ADAMTS5: variants seen among roughly 807,000 people sequenced by gnomAD.
ADAMTS5 encodes the protein A disintegrin and metalloproteinase with thrombospondin motifs 5.
A neutral mutation model predicts 81.4 loss-of-function variants in ADAMTS5; 54 were observed. That is an observed-to-expected ratio of 0.66 (90% CI 0.53 to 0.83). The LOEUF (loss-of-function observed/expected upper bound fraction) is 0.83, where lower values mean the gene tolerates loss of function less well. Among genes scored for constraint, ADAMTS5 ranks in the 40% least tolerant of loss-of-function variants. ADAMTS5 has a pLI of 0.00. For synonymous variants in ADAMTS5, 532 were observed against 508.8 expected (o/e 1.05, Z -0.61); for missense variants, 1,194 against 1,229.9 (o/e 0.97, Z 0.44).
intron 1 of ADAMTS5, among the ~76,000 whole-genome samples, chr21:26,960,359 CA>C (rs892945729): frequency 2.0e-5 from 3 of 152,184 alleles, no homozygotes; most frequent in Non-Finnish European, 4.4e-5. Flanking sequence ...ACTTAATTTA[CA>C]ATTAAAACTT....
In ADAMTS5 at chr21:26,929,994, G is replaced by A; in HGVS notation, c.2117C>T (p.Thr706Ile). Reference protein sequence around the residue: ...SVCVRGKCVRTGCDGIIGSKL... With the variant: ...SVCVRGKCVRIGCDGIIGSKL... ...TGAGCCAATGATGCCGTCACAGCCA[G>A]TTCTCACACACTTCCCCCGGACGCA... The change falls in exon 7 of 8, where the codon ACT becomes ATT. Residue 706 changes from threonine (T) to isoleucine (I), a missense_variant. Thr to Ile is a moderately conservative substitution (Grantham distance 89). Around this residue, in one of 2 missense-constraint regions of ADAMTS5, gnomAD observed 696 missense variants for 817.6 expected, o/e 0.85. Coordinates refer to ENST00000284987, the MANE Select transcript of ADAMTS5 (RefSeq NM_007038.5). 4 of 1,614,112 alleles carry A rather than the reference G, an allele frequency of 2.5e-6. No individual in the cohort carries two copies. The highest frequency in any genetic ancestry group is 2.5e-6 in the Non-Finnish European group (3 of 1,179,992).
chr21:26,961,786 A>G (rs9636787), intron 1 of ADAMTS5, among the ~76,000 whole-genome samples: 19,957 of 152,170 alleles, frequency 0.13, 1,501 homozygotes, highest in East Asian at 0.27. Flanking sequence ...TTGACTTTAA[A>G]TGAGATTTCA....
At chr21:26,933,923 T>C (rs1264609274) in intron 4 of ADAMTS5, among the ~76,000 whole-genome samples, 4 of 152,170 alleles carry the variant, frequency 2.6e-5, no homozygotes, top group Admixed American at 6.5e-5. Context: ...CGAAAATTAA[T>C]AGGGCAGTTG....
intron 2 of ADAMTS5, among the ~76,000 whole-genome samples, chr21:26,952,625 G>A (rs1164143472): frequency 6.6e-6 from 1 of 152,330 alleles, no homozygotes; most frequent in African/African-American, 2.4e-5. Context: ...AGAAAGGAAA[G>A]AAACTGCCCT....
rs953994204 is a variant in ADAMTS5, at chr21:26,957,412, G to A, written c.1105-2541C>T. On this transcript the variant is annotated intron_variant, in intron 1 of 7. Transcript: ENST00000284987. ...ATACACACACATATATGTGATACAC[G>A]GATATGTGTGTGTGTCTATAGATAG... Among the ~76,000 whole-genome samples the A allele has an allele frequency of 8.1e-5, 12 of 149,064 alleles. No individual in the cohort carries two copies. The East Asian group carries it at 1.4e-3, about 17-fold the overall frequency.
rs1162844770 is a variant in ADAMTS5, at chr21:26,920,137, T to C, written c.*3916A>G. On this transcript the variant is annotated 3_prime_UTR_variant, in exon 8 of 8. Transcript: ENST00000284987. ...GTTATTTGACAGTGTGAACTCTATG[T>C]AACAGCACAAATTCTGGACTTTGAA... The C allele has an allele frequency of 6.6e-6, 1 of 152,176 alleles. No homozygotes were observed. The highest frequency in any genetic ancestry group is 1.9e-4 in the East Asian group (1 of 5,196). The allele number at this position is 152,176 out of a possible 1,614,324, so 9.4% of individuals were successfully genotyped here.
rs767427623 is a variant in ADAMTS5 at position 26,965,711 on chromosome 21, G to C, written c.681C>G (p.Asn227Lys). ...EAHEHAPAHS[N>K]PSGRAALASQ... ...AGGCCAGTGCTGCGCGTCCGCTCGG[G>C]TTGCTGTGCGCCGGAGCATGCTCGT... The change falls in exon 1 of 8, where the codon AAC becomes AAG. Residue 227 changes from asparagine to lysine, a missense_variant. This residue lies in a region of ADAMTS5 where 498 missense variants were observed against 412.3 expected (regional missense o/e 1.21). Transcript: ENST00000284987. The C allele has an allele frequency of 3.8e-6, 6 of 1,585,554 alleles. No individual in the cohort carries two copies. Among genetic ancestry groups the C allele is most frequent in the South Asian group, 1.1e-5 (1 of 87,628 alleles).
Position 26,938,975 on chromosome 21 carries a change from T to C in ADAMTS5, c.1406-4226A>G, listed in dbSNP as rs531045589. 2.6e-5 allele frequency among the ~76,000 whole-genome samples: 4 copies of C among 152,360 alleles called. No individual in the cohort carries two copies. The South Asian group carries it at 6.2e-4, about 24-fold the overall frequency. ...TCATGATGCAGGAGAAATCAATTAA[T>C]GTTCCTAATCAAACTCATCCGAAGA... On this transcript the variant is annotated intron_variant, in intron 3 of 7. Coordinates refer to ENST00000284987, the MANE Select transcript of ADAMTS5 (RefSeq NM_007038.5).
chr21:26,930,326 G>A (rs891304718), intron 6 of ADAMTS5, among the ~76,000 whole-genome samples: 1 of 152,128 alleles, frequency 6.6e-6, no homozygotes, highest in African/African-American at 2.4e-5. Flanking sequence ...AGAGACACAA[G>A]GTACTCATCT....
Position 26,966,725 on chromosome 21 carries a change from A to G in ADAMTS5, c.-334T>C, listed in dbSNP as rs949939107. Among the ~76,000 whole-genome samples the G allele has an allele frequency of 1.3e-5, 2 of 151,628 alleles. No individual in the cohort carries two copies. Among genetic ancestry groups the G allele is most frequent in the Non-Finnish European group, 2.9e-5 (2 of 67,958 alleles). On this transcript the variant is annotated 5_prime_UTR_variant, in exon 1 of 8. Transcript: ENST00000284987. Reference sequence around the variant, plus strand: ...AAAGGAAAAAAACAAAAACCAAAAAACCACCAAATGCAGGCACGATCGCTG... The same window carrying G: ...AAAGGAAAAAAACAAAAACCAAAAAGCCACCAAATGCAGGCACGATCGCTG...
chr21:26,932,021 C>T lies in ADAMTS5; in HGVS notation c.2032G>A (p.Val678Met). Reference protein sequence around the residue: ...TCRAKGTGYYVVFSPKVTDGT... With the variant: ...TCRAKGTGYYMVFSPKVTDGT... The stretch of plus-strand genomic sequence containing the variant: ...GTAGTTACCTTTGGAGAAAATACCA[C>T]ATAGTAGCCAGTGCCCTTGGCTCTG... Residue 678 changes from valine (V) to methionine (M), a missense_variant, in exon 6 of 8, where the codon GTG becomes ATG. Val to Met is a conservative substitution (Grantham distance 21, BLOSUM62 1). Coordinates refer to ENST00000284987, the MANE Select transcript of ADAMTS5 (RefSeq NM_007038.5). 6.2e-7 allele frequency: 1 copy of T among 1,613,574 alleles called. No homozygotes were observed.
In ADAMTS5 at chr21:26,966,298, C is replaced by A; in HGVS notation, c.94G>T (p.Gly32Trp). 6.5e-7 allele frequency: 1 copy of A among 1,537,654 alleles called. No homozygotes were observed. Among genetic ancestry groups the A allele is most frequent in the Non-Finnish European group, 8.7e-7 (1 of 1,148,390 alleles). Residue 32 changes from glycine (G) to tryptophan (W), a missense_variant, in exon 1 of 8, where the codon GGG (glycine) becomes TGG (tryptophan). Gly to Trp is a radical substitution (Grantham distance 184). Coordinates refer to ENST00000284987, the MANE Select transcript of ADAMTS5 (RefSeq NM_007038.5). ...PAATPAQDKAGQPPTAAAAAQ... is the reference protein window; with the variant it reads ...PAATPAQDKAWQPPTAAAAAQ... ...GCTGCTGCAGCAGTCGGAGGCTGCC[C>A]GGCTTTATCCTGGGCAGGTGTCGCG... is the stretch of plus-strand genomic sequence containing the variant.
intron 3 of ADAMTS5, among the ~76,000 whole-genome samples, chr21:26,941,688 C>G (rs1483543357): frequency 2.0e-5 from 3 of 152,084 alleles, no homozygotes; most frequent in Non-Finnish European, 4.4e-5. Context: ...CAAGGTTTAG[C>G]TCAACTTCTT....
rs1351639503 is a variant in ADAMTS5 at position 26,920,817 on chromosome 21, A to G, written c.*3236T>C. The G allele has an allele frequency of 2.0e-5, 3 of 152,160 alleles. No individual in the cohort carries two copies. Among genetic ancestry groups the G allele is most frequent in the Non-Finnish European group, 4.4e-5 (3 of 68,000 alleles). 9.4% of individuals were successfully genotyped at this position (152,160 alleles called of 1,614,324 possible). ...GTAAAAAACCTATTATCATAGGCAC[A>G]AGTAATGAACACTATTGGTCATGAC... On this transcript the variant is annotated 3_prime_UTR_variant, in exon 8 of 8. Transcript: ENST00000284987.
chr21:26,942,994 T>C (rs1373769205), intron 3 of ADAMTS5, among the ~76,000 whole-genome samples: 1 of 152,076 alleles, frequency 6.6e-6, no homozygotes, highest in Admixed American at 6.6e-5. Flanking sequence ...ACCCCTATAA[T>C]AGGCATGTAA....
chr21:26,944,768 A>G (rs1317809367), intron 2 of ADAMTS5, among the ~76,000 whole-genome samples: 1 of 152,088 alleles, frequency 6.6e-6, no homozygotes, highest in Non-Finnish European at 1.5e-5. Context: ...ATAAAACCCA[A>G]CAGAGATGAA....
intron 6 of ADAMTS5, among the ~76,000 whole-genome samples, chr21:26,930,461 A>G (rs1454487938): frequency 6.6e-6 from 1 of 152,204 alleles, no homozygotes; most frequent in African/African-American, 2.4e-5. Context: ...TCTTTGTTGC[A>G]TAGTTGTTAT....
chr21:26,918,963 G>C lies in ADAMTS5; in HGVS notation c.*5090C>G, dbSNP rs1204145182. 2 of 151,900 alleles carry C rather than the reference G, an allele frequency of 1.3e-5. No homozygotes were observed. The highest frequency in any genetic ancestry group is 6.6e-5 in the Admixed American group (1 of 15,234). 9.4% of individuals were successfully genotyped at this position (151,900 alleles called of 1,614,324 possible). ...GTCCTCAGATGCACATGCAGTTTAC[G>C]TCACTGACCACTGTTGGTCAAAACA... On this transcript the variant is annotated 3_prime_UTR_variant, in exon 8 of 8. Coordinates refer to ENST00000284987, the MANE Select transcript of ADAMTS5 (RefSeq NM_007038.5).
chr21:26,944,368 C>T (rs928366050), intron 2 of ADAMTS5, among the ~76,000 whole-genome samples: 2 of 152,134 alleles, frequency 1.3e-5, no homozygotes, highest in Non-Finnish European at 2.9e-5. Flanking sequence ...TGTGCTTAAG[C>T]CTCTCAACCA....
Sources: allele counts gnomAD v4.1 joint callset (sites outside exome capture counted in the v4.1 genomes callset), GRCh38; gene constraint gnomAD v4.1.1; regional missense constraint gnomAD v4.1.1; transcripts MANE v1.5; gene names NCBI Gene and HGNC (gene_info 2026-07-23, HGNC 2026-07-21).